DZANK1: variants seen among roughly 807,000 people sequenced by gnomAD.
DZANK1 encodes the protein double zinc ribbon and ankyrin repeat-containing protein 1.
Under a neutral mutation model 94.5 loss-of-function variants are expected in DZANK1, and 91 were observed. The ratio of observed to expected loss-of-function variants is 0.96; its 90% CI spans 0.81 to 1.15. The LOEUF is 1.15. Among genes scored for constraint, DZANK1 ranks in the 50% most tolerant of loss-of-function variants. The pLI is 0.00. For synonymous variants in DZANK1, 312 were observed against 325.3 expected (o/e 0.96, Z 0.44); for missense variants, 903 against 916.4 (o/e 0.99, Z 0.19).
intron 3 of DZANK1, among the ~76,000 whole-genome samples, chr20:18,458,052 T>C (rs1383602621): frequency 6.6e-6 from 1 of 152,244 alleles, no homozygotes; most frequent in Non-Finnish European, 1.5e-5. Context: ...CTATTTGACC[T>C]GGCCAGACTC....
At chr20:18,412,552 A>G in intron 13 of DZANK1, 94 bp downstream of exon 13, 1 of 1,286,728 alleles carries the variant, frequency 7.8e-7, no homozygotes. Context: ...TCTTACACAT[A>G]CAAATAAATC....
At position 18,394,108 on chromosome 20, in the gene DZANK1, A is replaced by T. The variant is rs75978428; in HGVS notation, c.1708+146T>A. On this transcript the variant is annotated intron_variant, in intron 16 of 20. Transcript: ENST00000262547. The stretch of plus-strand genomic sequence containing the variant: ...CTTCAAAAGTCTCACCTCTGACTTC[A>T]GAGAAGCCAGAGAAATAAAACGTCT... 19,757 of 725,340 alleles carry T rather than the reference A, an allele frequency of 0.027. 339 individuals carry two copies. Among genetic ancestry groups the T allele is most frequent in the Non-Finnish European group, 0.037 (16,323 of 445,250 alleles). The allele number at this position is 725,340 out of a possible 1,614,324, so 44.9% of individuals were successfully genotyped here.
rs775288141 is a variant in DZANK1 at position 18,398,638 on chromosome 20, G to A, written c.1433-12C>T. The A allele has an allele frequency of 5.6e-6, 9 of 1,609,788 alleles. No homozygotes were observed. The East Asian group carries it at 1.8e-4, about 32-fold the overall frequency. On this transcript the variant is annotated splice_polypyrimidine_tract_variant and intron_variant, in intron 13 of 20. Coordinates refer to ENST00000262547, the Ensembl canonical transcript of DZANK1. ...TCTTCTCCAGTACCCTAAGAAAGAAGAGAAACCCCGCCATCTGGATGATTC... is the reference window on the plus strand; with the variant it reads ...TCTTCTCCAGTACCCTAAGAAAGAAAAGAAACCCCGCCATCTGGATGATTC...
chr20:18,462,569 C>T (rs2059506014), intron 2 of DZANK1, among the ~76,000 whole-genome samples: 1 of 152,072 alleles, frequency 6.6e-6, no homozygotes, highest in South Asian at 2.1e-4. Context: ...CCATCTCACA[C>T]CAGTCAGAAT....
At chr20:18,390,549 CAAGGA>C in intron 17 of DZANK1, 90 bp from the exon 18 acceptor site, 4 of 1,269,260 alleles carry the variant, frequency 3.2e-6, no homozygotes, top group Non-Finnish European at 4.6e-6. Context: ...TTCTAAGTCA[CAAGGA>C]CAGGTGACTA....
In DZANK1 at chr20:18,444,206, C is replaced by T. The variant is rs201807988; in HGVS notation, c.630-742G>A. ...GTCTCGTTGCCCACACTAGTCTCCA[C>T]GTTGGAGCTGAGCTCATTCCCACAC... On this transcript the variant is annotated intron_variant, in intron 7 of 20. Coordinates refer to ENST00000262547, the Ensembl canonical transcript of DZANK1. 9.8e-5 allele frequency among the ~76,000 whole-genome samples: 15 copies of T among 152,324 alleles called. No homozygotes were observed. In the East Asian group the frequency reaches 2.9e-3, roughly 29 times the overall value.
rs2048378382 is a variant in DZANK1 at position 18,384,679 on chromosome 20, C to G, written c.2094-115G>C. On this transcript the variant is annotated intron_variant, in intron 20 of 20. Transcript: ENST00000262547. The stretch of plus-strand genomic sequence containing the variant: ...CTGGGCCCCTCCTGGTCCCACCTCC[C>G]CAAACCTCTCCCCAAGAGGTCACAG... 2.7e-6 allele frequency: 3 copies of G among 1,130,414 alleles called. No individual in the cohort carries two copies. The African/African-American group carries it at 4.7e-5, about 18-fold the overall frequency. 70.0% of individuals were successfully genotyped at this position (1,130,414 alleles called of 1,614,324 possible).
intron 8 of DZANK1, among the ~76,000 whole-genome samples, chr20:18,443,104 C>T (rs1325774240): frequency 6.6e-6 from 1 of 152,094 alleles, no homozygotes; most frequent in Non-Finnish European, 1.5e-5. Context: ...CCATGCATGC[C>T]TCATTAAAAC....
intron 6 of DZANK1, among the ~76,000 whole-genome samples, chr20:18,449,623 T>C (rs1376309338): frequency 6.6e-6 from 1 of 151,554 alleles, no homozygotes; most frequent in Non-Finnish European, 1.5e-5. Context: ...CTGGGTGTGG[T>C]GGCGGGTGCC....
intron 15 of DZANK1, chr20:18,394,637 G>C (rs1166596231): frequency 5.0e-6 from 3 of 599,606 alleles, no homozygotes; most frequent in African/African-American, 1.8e-5. Flanking sequence ...TTTCAACAGG[G>C]GTCTGCCAGC....
chr20:18,458,733 G>C (rs2059372295), intron 3 of DZANK1, among the ~76,000 whole-genome samples: 1 of 152,122 alleles, frequency 6.6e-6, no homozygotes. Context: ...ATCTTGGATG[G>C]TCTTGATGCT....
At chr20:18,408,034 G>A (rs6136364) in intron 13 of DZANK1, among the ~76,000 whole-genome samples, 1 of 152,206 alleles carries the variant, frequency 6.6e-6, no homozygotes. Flanking sequence ...GATAGTATCA[G>A]GCCAGATGCG....
intron 8 of DZANK1, among the ~76,000 whole-genome samples, chr20:18,442,521 G>A (rs905967508): frequency 6.6e-6 from 1 of 152,070 alleles, no homozygotes; most frequent in Admixed American, 6.6e-5. Context: ...AGTTTAAAAT[G>A]TATCACTGAA....
At chr20:18,415,962 C>T (rs1353407072) in intron 10 of DZANK1, among the ~76,000 whole-genome samples, 2 of 152,140 alleles carry the variant, frequency 1.3e-5, no homozygotes, top group African/African-American at 4.8e-5. Context: ...TTAGGTAAAC[C>T]TATATTTGAA....
intron 2 of DZANK1, among the ~76,000 whole-genome samples, chr20:18,460,707 C>G (rs1330314764): frequency 6.7e-6 from 1 of 148,816 alleles, no homozygotes; most frequent in Non-Finnish European, 1.5e-5. Context: ...CCAGCCTGGG[C>G]AACAGAGCGA....
At chr20:18,394,974 A>G in intron 15 of DZANK1, 2 of 432,644 alleles carry the variant, frequency 4.6e-6, no homozygotes, top group African/African-American at 2.0e-5. Context: ...ACCCGGACTG[A>G]TCCCCCTGCA....
intron 2 of DZANK1, among the ~76,000 whole-genome samples, chr20:18,462,810 C>A (rs2059516117): frequency 6.6e-6 from 1 of 151,800 alleles, no homozygotes; most frequent in Non-Finnish European, 1.5e-5. Flanking sequence ...TGGTGGCACA[C>A]AACTGTAATC....
intron 3 of DZANK1, among the ~76,000 whole-genome samples, chr20:18,456,823 T>G (rs767585448): frequency 7.9e-4 from 120 of 152,242 alleles, no homozygotes; most frequent in Non-Finnish European, 1.3e-3. Context: ...GATGGTCATT[T>G]GGATTATTTC....
intron 13 of DZANK1, among the ~76,000 whole-genome samples, chr20:18,402,798 T>C (rs1485820924): frequency 1.3e-5 from 2 of 152,200 alleles, no homozygotes; most frequent in African/African-American, 4.8e-5. Flanking sequence ...AGAACTGAGG[T>C]TGCTGCAGAC....
Sources: allele counts gnomAD v4.1 joint callset (sites outside exome capture counted in the v4.1 genomes callset), GRCh38; gene constraint gnomAD v4.1.1; transcripts MANE v1.5; gene names NCBI Gene and HGNC (gene_info 2026-07-23, HGNC 2026-07-21).